PPARGC1A: variants seen among roughly 807,000 people sequenced by gnomAD.
The protein encoded by PPARGC1A is peroxisome proliferator-activated receptor gamma coactivator 1-alpha.
Under a neutral mutation model 88.7 loss-of-function variants are expected in PPARGC1A, and 25 were observed. The ratio of observed to expected loss-of-function variants is 0.28; its 90% CI spans 0.21 to 0.39. PPARGC1A has a LOEUF of 0.39. PPARGC1A is among the 10% of genes least tolerant of loss of function. The probability of loss-of-function intolerance (pLI) is 1.00; values close to 1 mark genes in which losing one functional copy is unlikely to be tolerated. For synonymous variants in PPARGC1A, 363 were observed against 355.6 expected (o/e 1.02, Z -0.24); for missense variants, 880 against 968.7 (o/e 0.91, Z 1.22).
At chr4:24,120,641 A>C in the PPARGC1A span, among the ~76,000 whole-genome samples, 1 of 152,116 alleles carries the variant, frequency 6.6e-6, no homozygotes, top group African/African-American at 2.4e-5. Flanking sequence ...CTAACCACCA[A>C]GGTGATGGTA....
the PPARGC1A span, among the ~76,000 whole-genome samples, chr4:24,452,031 G>A: frequency 6.6e-6 from 1 of 152,116 alleles, no homozygotes; most frequent in Non-Finnish European, 1.5e-5. Flanking sequence ...TCCCAAGTGT[G>A]GGTGGGCCTC....
chr4:24,470,398 G>A, the PPARGC1A span, among the ~76,000 whole-genome samples: 1 of 151,826 alleles, frequency 6.6e-6, no homozygotes, highest in African/African-American at 2.4e-5. This position sits in a 1 kb window ranked among gnomAD's most constrained non-coding sequence, Gnocchi z 5.8. Context: ...GTGGTCGTTG[G>A]CTCTCGGCAA....
At chr4:24,068,188 T>C in the PPARGC1A span, among the ~76,000 whole-genome samples, 11 of 110,010 alleles carry the variant, frequency 1.0e-4, no homozygotes, top group East Asian at 2.4e-3. Flanking sequence ...GAAATTGCAA[T>C]GCAATGTAAT....
At chr4:24,427,597 C>T in the PPARGC1A span, among the ~76,000 whole-genome samples, 7 of 152,244 alleles carry the variant, frequency 4.6e-5, no homozygotes, top group South Asian at 6.2e-4. Context: ...ACCTGCCCAA[C>T]GGTGCTGGAT....
intron 8 of PPARGC1A, 148 bp from the exon 9 acceptor site, chr4:23,813,273 G>A: frequency 1.4e-6 from 1 of 704,482 alleles, no homozygotes; most frequent in Non-Finnish European, 2.5e-6. Context: ...GTGACAGTTT[G>A]TGATCATCTA....
chr4:24,416,054 T>C, the PPARGC1A span, among the ~76,000 whole-genome samples: 1 of 152,188 alleles, frequency 6.6e-6, no homozygotes, highest in African/African-American at 2.4e-5. Context: ...AGGAAAGGCT[T>C]CATGGAAGAG....
chr4:24,130,149 A>T, the PPARGC1A span, among the ~76,000 whole-genome samples: 3 of 151,712 alleles, frequency 2.0e-5, no homozygotes, highest in African/African-American at 4.9e-5. Context: ...AAAGTATAAT[A>T]AAAAAAATAA....
chr4:23,892,177 T>C (rs1309014803), upstream of PPARGC1A, among the ~76,000 whole-genome samples: 1 of 152,196 alleles, frequency 6.6e-6, no homozygotes, highest in Admixed American at 6.5e-5. Context: ...CCTGCCCAGA[T>C]TGTATTGTTA....
the PPARGC1A span, among the ~76,000 whole-genome samples, chr4:24,183,767 T>C: frequency 6.6e-6 from 1 of 152,200 alleles, no homozygotes; most frequent in Admixed American, 6.5e-5. Context: ...CTACATGTGA[T>C]AAAGGAAAAA....
At chr4:23,933,278 C>G in the PPARGC1A span, among the ~76,000 whole-genome samples, 2 of 152,210 alleles carry the variant, frequency 1.3e-5, no homozygotes, top group Admixed American at 1.3e-4. Flanking sequence ...TCACCACCTT[C>G]ATTGAATTTT....
the PPARGC1A span, among the ~76,000 whole-genome samples, chr4:24,387,928 AAG>A: frequency 3.6e-4 from 29 of 79,696 alleles, 1 homozygote; most frequent in African/African-American, 1.2e-3. Flanking sequence ...GAAAGAAAGA[AAG>A]AAAGAGAAAG....
At chr4:23,970,512 T>A in the PPARGC1A span, among the ~76,000 whole-genome samples, 3 of 152,184 alleles carry the variant, frequency 2.0e-5, no homozygotes, top group Non-Finnish European at 4.4e-5. Flanking sequence ...TTACATATGA[T>A]ACAGGCACTG....
intron 7 of PPARGC1A, among the ~76,000 whole-genome samples, chr4:23,817,166 G>A (rs983407776): frequency 2.6e-5 from 4 of 152,112 alleles, no homozygotes; most frequent in Admixed American, 2.0e-4. Context: ...ATTAAAGAGC[G>A]ACTGGTTCTA....
the PPARGC1A span, among the ~76,000 whole-genome samples, chr4:23,962,573 G>C: frequency 6.6e-6 from 1 of 152,110 alleles, no homozygotes; most frequent in African/African-American, 2.4e-5. Flanking sequence ...TGGAAACTCA[G>C]GCTGACTTTT....
chr4:24,445,409 G>A, the PPARGC1A span, among the ~76,000 whole-genome samples: 1 of 152,046 alleles, frequency 6.6e-6, no homozygotes, highest in Admixed American at 6.6e-5. Flanking sequence ...ATTCCTTTTT[G>A]TCTATTCTGA....
intron 2 of PPARGC1A, among the ~76,000 whole-genome samples, chr4:23,844,808 T>A (rs59098546): frequency 0.056 from 2,775 of 49,176 alleles, 37 homozygotes; most frequent in Middle Eastern, 0.1. Flanking sequence ...TATATATTAT[T>A]ATAATATATG....
At chr4:24,064,274 T>G in the PPARGC1A span, among the ~76,000 whole-genome samples, 1 of 152,204 alleles carries the variant, frequency 6.6e-6, no homozygotes, top group African/African-American at 2.4e-5. Flanking sequence ...GACAATGCGA[T>G]ACCCTGGCTC....
the PPARGC1A span, among the ~76,000 whole-genome samples, chr4:24,206,454 T>C: frequency 6.6e-6 from 1 of 152,176 alleles, no homozygotes; most frequent in Admixed American, 6.5e-5. Context: ...AAAATCAGGA[T>C]ACAATAATAT....
chr4:23,832,742 T>TG (rs1725266200), intron 2 of PPARGC1A, among the ~76,000 whole-genome samples: 1 of 151,758 alleles, frequency 6.6e-6, no homozygotes, highest in Non-Finnish European at 1.5e-5. Flanking sequence ...CCCGAGTAGC[T>TG]GGGACTACAG....
Sources: gnomAD v4.1 joint callset for allele counts (sites outside exome capture counted in the v4.1 genomes callset) on GRCh38, gnomAD v4.1.1 for gene constraint, Gnocchi (gnomAD v3.1) non-coding constraint, MANE v1.5 for transcripts, NCBI Gene and HGNC (gene_info 2026-07-23, HGNC 2026-07-21) for gene names.